RASSF6: variants seen among roughly 807,000 people sequenced by gnomAD.
RASSF6 encodes Ras association domain family member 6, also known as ras association domain-containing protein 6.
Under a neutral mutation model 44.0 loss-of-function variants are expected in RASSF6, and 52 were observed. The ratio of observed to expected loss-of-function variants is 1.18; its 90% CI spans 0.95 to 1.49. The LOEUF is 1.49. Ranked by LOEUF, RASSF6 falls within the 40% of genes most tolerant of loss-of-function variation. RASSF6 has a pLI of 0.00. For synonymous variants in RASSF6, 162 were observed against 124.6 expected (o/e 1.30, Z -2.00); for missense variants, 464 against 393.3 (o/e 1.18, Z -1.52).
chr4:73,577,616 T>C (rs1723321994), intron 8 of RASSF6, among the ~76,000 whole-genome samples: 1 of 152,140 alleles, frequency 6.6e-6, no homozygotes, highest in Admixed American at 6.5e-5. Flanking sequence ...TATTACCCAT[T>C]CCTGTTCACA....
chr4:73,599,517 C>T (rs527993746), intron 2 of RASSF6, among the ~76,000 whole-genome samples: 10 of 152,316 alleles, frequency 6.6e-5, no homozygotes, highest in African/African-American at 1.9e-4. Context: ...ACTGGGAAAA[C>T]AGCTGTGGTA....
intron 8 of RASSF6, 70 bp from the exon 9 acceptor site, chr4:73,576,801 C>A: frequency 3.0e-6 from 3 of 1,005,246 alleles, no homozygotes; most frequent in Non-Finnish European, 4.4e-6. Flanking sequence ...GATAATTTTC[C>A]AATTTATTTT....
At chr4:73,594,146 A>G (rs946243916) in intron 3 of RASSF6, among the ~76,000 whole-genome samples, 1 of 152,254 alleles carries the variant, frequency 6.6e-6, no homozygotes, top group African/African-American at 2.4e-5. Flanking sequence ...AAAATTAGAA[A>G]TACTGTAGTA....
Position 73,593,587 on chromosome 4 carries a change from C to A in RASSF6, c.151G>T (p.Asp51Tyr), listed in dbSNP as rs1344412774. Reference protein sequence around the residue: ...NLHILYGETEDGKLIVEGMLD... With the variant: ...NLHILYGETEYGKLIVEGMLD... ...ATTCCTTCAACAATTAGTTTGCCAT[C>A]TTCAGTCTAAGGAAGAAATGAATAA... is the stretch of plus-strand genomic sequence containing the variant. Residue 51 changes from aspartate (D) to tyrosine (Y), a missense_variant, in exon 4 of 11, where the codon GAT becomes TAT. Coordinates refer to ENST00000307439, the MANE Select transcript of RASSF6 (RefSeq NM_177532.5). 2 of 1,613,264 alleles carry A rather than the reference C, an allele frequency of 1.2e-6. No individual in the cohort carries two copies. Among genetic ancestry groups the A allele is most frequent in the Non-Finnish European group, 1.7e-6 (2 of 1,179,636 alleles).
intron 2 of RASSF6, among the ~76,000 whole-genome samples, chr4:73,602,826 T>C (rs995935422): frequency 5.3e-5 from 8 of 152,114 alleles, no homozygotes; most frequent in East Asian, 1.9e-4. Context: ...CGGTGGCTCA[T>C]GCCTGTAATC....
rs1345299525 is a variant in RASSF6, at chr4:73,571,926, T to C, written c.*4309A>G. ...GCAAAAATGATTCGAAAATAAACTA[T>C]TTTTTTCCCAGAAATTGTATGAGCT... is the stretch of plus-strand genomic sequence containing the variant. On this transcript the variant is annotated 3_prime_UTR_variant, in exon 11 of 11. Coordinates refer to ENST00000307439, the MANE Select transcript of RASSF6 (RefSeq NM_177532.5). 1 of 152,110 alleles carries C rather than the reference T, an allele frequency of 6.6e-6. No homozygotes were observed. Among genetic ancestry groups the C allele is most frequent in the Non-Finnish European group, 1.5e-5 (1 of 68,030 alleles). The allele number at this position is 152,110 out of a possible 1,614,324, so 9.4% of individuals were successfully genotyped here.
At chr4:73,614,817 A>G (rs1261933) in intron 1 of RASSF6, among the ~76,000 whole-genome samples, 1 of 152,162 alleles carries the variant, frequency 6.6e-6, no homozygotes, top group Admixed American at 6.5e-5. Context: ...GGAAGGAAGA[A>G]AGTTGAATAT....
chr4:73,591,141 C>A (rs1443175531), intron 4 of RASSF6, among the ~76,000 whole-genome samples: 1 of 152,106 alleles, frequency 6.6e-6, no homozygotes, highest in Non-Finnish European at 1.5e-5. Flanking sequence ...TTTTTATATT[C>A]TCTATTCTCA....
At chr4:73,616,221 A>ATATC (rs4019340) in intron 1 of RASSF6, among the ~76,000 whole-genome samples, 8,670 of 148,968 alleles carry the variant, frequency 0.058, 247 homozygotes, top group Non-Finnish European at 0.061. Context: ...ACATATATCT[A>ATATC]TATCTATCTA....
At chr4:73,616,984 A>C (rs185407749) in intron 1 of RASSF6, among the ~76,000 whole-genome samples, 2 of 152,226 alleles carry the variant, frequency 1.3e-5, no homozygotes, top group South Asian at 2.1e-4. Context: ...AAAAAAGGAA[A>C]AGAGTTAACA....
At chr4:73,613,235 C>G (rs1007592140) in intron 1 of RASSF6, among the ~76,000 whole-genome samples, 4 of 152,292 alleles carry the variant, frequency 2.6e-5, no homozygotes, top group African/African-American at 9.6e-5. Context: ...ATGCAGGACA[C>G]CTGGAGGACT....
intron 1 of RASSF6, among the ~76,000 whole-genome samples, chr4:73,613,919 C>T (rs1032936709): frequency 2.6e-5 from 4 of 152,086 alleles, no homozygotes; most frequent in African/African-American, 9.7e-5. Flanking sequence ...TCGAATCTGT[C>T]TCCATCCCAT....
At chr4:73,585,965 T>G (rs917039540) in intron 5 of RASSF6, among the ~76,000 whole-genome samples, 1 of 138,122 alleles carries the variant, frequency 7.2e-6, no homozygotes, top group Non-Finnish European at 1.6e-5. Context: ...GTATATCTCC[T>G]AATGCTATCC....
chr4:73,580,449 C>A (rs1723544397), intron 8 of RASSF6, among the ~76,000 whole-genome samples: 1 of 150,626 alleles, frequency 6.6e-6, no homozygotes, highest in Non-Finnish European at 1.5e-5. Context: ...AATCGCCACA[C>A]TGACTTCCAC....
intron 2 of RASSF6, among the ~76,000 whole-genome samples, chr4:73,606,944 T>C (rs888486132): frequency 6.6e-6 from 1 of 152,162 alleles, no homozygotes; most frequent in Non-Finnish European, 1.5e-5. Flanking sequence ...GAGCCAGTGA[T>C]TCCCAGGGCC....
intron 6 of RASSF6, among the ~76,000 whole-genome samples, chr4:73,583,332 T>C (rs1421502377): frequency 6.6e-6 from 1 of 152,172 alleles, no homozygotes; most frequent in Non-Finnish European, 1.5e-5. Context: ...GAGCAGTATT[T>C]AAATCTATAG....
At position 73,576,240 on chromosome 4, in the gene RASSF6, C is replaced by A; in HGVS notation, c.1009G>T (p.Val337Phe). Reference sequence around the variant, plus strand: ...AGCAATAGAAGCTTGTACTGCTAAACTGTTGTCTCTGTTTTTATTACTAGT... The same window carrying A: ...AGCAATAGAAGCTTGTACTGCTAAAATGTTGTCTCTGTTTTTATTACTAGT... ...NKLVIKTETTV is the reference protein window; with the variant it reads ...NKLVIKTETTF The change falls in exon 11 of 11, where the codon GTT (valine) becomes TTT (phenylalanine). Residue 337 changes from valine to phenylalanine, a missense_variant. Transcript: ENST00000307439. 2.0e-6 allele frequency: 3 copies of A among 1,538,414 alleles called. No individual in the cohort carries two copies. Among genetic ancestry groups the A allele is most frequent in the Non-Finnish European group, 2.7e-6 (3 of 1,117,926 alleles).
intron 2 of RASSF6, among the ~76,000 whole-genome samples, chr4:73,607,481 A>T (rs1276132649): frequency 6.6e-6 from 1 of 152,166 alleles, no homozygotes; most frequent in Non-Finnish European, 1.5e-5. Flanking sequence ...CTGTACAAAC[A>T]TTGTTTCTAG....
rs1202751210 is a variant in RASSF6 at position 73,596,454 on chromosome 4, CA to C, written c.144+2185del. On this transcript the variant is annotated intron_variant, in intron 3 of 10. Transcript: ENST00000307439. ...GATATTTACAAAGATAACTATAAGT[CA>C]CTGCTCAAAGAAATCAGAGATGACA... 7.9e-5 allele frequency among the ~76,000 whole-genome samples: 12 copies of C among 152,208 alleles called. No homozygotes were observed. In the East Asian group the frequency reaches 2.3e-3, roughly 29 times the overall value.
Sources: gnomAD v4.1 joint callset for allele counts (sites outside exome capture counted in the v4.1 genomes callset) on GRCh38, gnomAD v4.1.1 for gene constraint, MANE v1.5 for transcripts, NCBI Gene and HGNC (gene_info 2026-07-23, HGNC 2026-07-21) for gene names.